ATP6V0A1: variants seen among roughly 807,000 people sequenced by gnomAD.
The protein encoded by ATP6V0A1 is ATPase H+ transporting V0 subunit a1.
A neutral mutation model predicts 105.4 loss-of-function variants in ATP6V0A1; 43 were observed. The ratio of observed to expected loss-of-function variants is 0.41; its 90% CI spans 0.32 to 0.53. The LOEUF (loss-of-function observed/expected upper bound fraction) is 0.53. Ranked by LOEUF, ATP6V0A1 falls within the 20% of genes least tolerant of loss-of-function variation. ATP6V0A1 has a pLI of 0.30. For missense variants in ATP6V0A1, 676 were observed against 1,051.1 expected (o/e 0.64, Z 4.93); for synonymous variants, 362 against 372.8 (o/e 0.97, Z 0.33).
intron 18 of ATP6V0A1, 97 bp from the exon 19 acceptor site, chr17:42,508,475 C>T (rs1599077785): frequency 6.6e-7 from 1 of 1,506,788 alleles, no homozygotes; most frequent in Non-Finnish European, 9.2e-7. Flanking sequence ...TTAACATGAA[C>T]AGTCCTCCCC....
intron 2 of ATP6V0A1, among the ~76,000 whole-genome samples, chr17:42,463,148 G>A (rs1326902512): frequency 7.4e-6 from 1 of 135,082 alleles, no homozygotes; most frequent in Non-Finnish European, 1.6e-5. Context: ...GACTACAGGC[G>A]CACACCGCCG....
chr17:42,464,304 T>A (rs547956320), intron 2 of ATP6V0A1, among the ~76,000 whole-genome samples: 2 of 152,364 alleles, frequency 1.3e-5, no homozygotes, highest in African/African-American at 4.8e-5. Flanking sequence ...TCTTAATTGC[T>A]AATAAAAATT....
At chr17:42,520,878 C>A (rs1237918747) in intron 21 of ATP6V0A1, 149 bp from the exon 22 acceptor site, 10 of 696,480 alleles carry the variant, frequency 1.4e-5, no homozygotes, top group East Asian at 7.6e-5. Context: ...AAAGTGGGAT[C>A]TCTGCACTCT....
At chr17:42,467,301 A>G (rs1179311209) in intron 3 of ATP6V0A1, among the ~76,000 whole-genome samples, 2 of 152,244 alleles carry the variant, frequency 1.3e-5, no homozygotes, top group African/African-American at 2.4e-5. Context: ...GAGAGGCTTA[A>G]TGACTTGCCC....
At chr17:42,466,239 A>G (rs1236099139) in intron 2 of ATP6V0A1, among the ~76,000 whole-genome samples, 190 bp from the exon 3 acceptor site, 1 of 152,174 alleles carries the variant, frequency 6.6e-6, no homozygotes, top group East Asian at 1.9e-4. Flanking sequence ...GCAACGAGGG[A>G]GGAAGTTTTT....
chr17:42,483,186 A>T, intron 9 of ATP6V0A1, 55 bp downstream of exon 9: 1 of 1,313,466 alleles, frequency 7.6e-7, no homozygotes, highest in African/African-American at 1.5e-5. Context: ...ATACGAGACC[A>T]TTATCCTTCC....
rs1215984555 is a variant in ATP6V0A1, at chr17:42,493,626, T to G, written c.1175-708T>G. Among the ~76,000 whole-genome samples, 6 of 152,146 alleles carry G rather than the reference T, an allele frequency of 3.9e-5. No homozygotes were observed. In the South Asian group the frequency reaches 1.0e-3, roughly 26 times the overall value. On this transcript the variant is annotated intron_variant, in intron 11 of 21. Transcript: ENST00000343619. ...GCTTGGGCAAAATAGTGAGATTCCA[T>G]CTAAAAAAATATTATTTATCAGTAA... is the stretch of plus-strand genomic sequence containing the variant.
chr17:42,490,853 T>C (rs763272645), intron 11 of ATP6V0A1, among the ~76,000 whole-genome samples: 17 of 152,112 alleles, frequency 1.1e-4, no homozygotes, highest in Non-Finnish European at 2.5e-4. Flanking sequence ...CACACCTGGC[T>C]AATTTTTTAT....
intron 17 of ATP6V0A1, among the ~76,000 whole-genome samples, chr17:42,504,866 C>T (rs2091916930): frequency 6.6e-6 from 1 of 152,174 alleles, no homozygotes; most frequent in Admixed American, 6.6e-5. Context: ...GGGGCCTTGC[C>T]TCTGACAGAT....
chr17:42,503,968 G>T (rs564107664), intron 17 of ATP6V0A1, among the ~76,000 whole-genome samples: 1 of 152,118 alleles, frequency 6.6e-6, no homozygotes, highest in African/African-American at 2.4e-5. Context: ...TCTTTTTTCT[G>T]CTAGTCTTAG....
chr17:42,489,793 A>G (rs1358930824), intron 10 of ATP6V0A1, among the ~76,000 whole-genome samples: 1 of 152,108 alleles, frequency 6.6e-6, no homozygotes, highest in Non-Finnish European at 1.5e-5. Context: ...GAACAAAGCT[A>G]AGGAAATGGG....
chr17:42,477,511 G>A, intron 5 of ATP6V0A1, 149 bp from the exon 6 acceptor site: 1 of 655,448 alleles, frequency 1.5e-6, no homozygotes, highest in South Asian at 2.4e-5. Flanking sequence ...GTCTTTTTAT[G>A]GATATATCTT....
intron 17 of ATP6V0A1, among the ~76,000 whole-genome samples, chr17:42,503,259 A>C (rs1406467954): frequency 6.6e-6 from 1 of 152,208 alleles, no homozygotes; most frequent in East Asian, 1.9e-4. Flanking sequence ...TGATTCTTGA[A>C]TTGATTTCCC....
chr17:42,465,170 T>G (rs2086890527), intron 2 of ATP6V0A1, among the ~76,000 whole-genome samples: 1 of 151,784 alleles, frequency 6.6e-6, no homozygotes, highest in African/African-American at 2.4e-5. Context: ...TTTTTTGTAT[T>G]TTTAGTTGAG....
chr17:42,479,550 A>G (rs1364716304), intron 7 of ATP6V0A1, among the ~76,000 whole-genome samples: 3 of 152,260 alleles, frequency 2.0e-5, no homozygotes, highest in Non-Finnish European at 1.5e-5. Flanking sequence ...TATTATTTAG[A>G]AACCTAAAGT....
At chr17:42,470,034 G>A in intron 4 of ATP6V0A1, 56 bp from the exon 5 acceptor site, 1 of 1,480,604 alleles carries the variant, frequency 6.8e-7, no homozygotes, top group African/African-American at 1.4e-5. Context: ...TTCATTTAAT[G>A]TCTTTCAGAG....
rs111681463 is a variant in ATP6V0A1, at chr17:42,461,396, A to C, written c.117+385A>C. ...TAAAATTTGAGGTATCCAGCTACAG[A>C]TATATAGTATATAAATAAGCATATA... On this transcript the variant is annotated intron_variant, in intron 2 of 21. Transcript: ENST00000343619. Among the ~76,000 whole-genome samples the C allele has an allele frequency of 2.7e-3, 411 of 152,340 alleles. 4 individuals are homozygous for C. The highest frequency in any genetic ancestry group is 5.0e-3 in the Non-Finnish European group (337 of 68,036).
chr17:42,463,164 G>A (rs1053190707), intron 2 of ATP6V0A1, among the ~76,000 whole-genome samples: 8 of 83,810 alleles, frequency 9.5e-5, no homozygotes, highest in South Asian at 1.2e-3. Context: ...CGCCGAGCCC[G>A]GCTAATTTTT....
At chr17:42,491,085 T>G (rs569183518) in intron 11 of ATP6V0A1, among the ~76,000 whole-genome samples, 16 of 151,686 alleles carry the variant, frequency 1.1e-4, no homozygotes, top group Non-Finnish European at 4.4e-5. Context: ...TAATTTTTAA[T>G]TTTTTTTAGA....
Sources: allele counts gnomAD v4.1 joint callset (sites outside exome capture counted in the v4.1 genomes callset), GRCh38; gene constraint gnomAD v4.1.1; transcripts MANE v1.5; gene names NCBI Gene and HGNC (gene_info 2026-07-23, HGNC 2026-07-21).